Variants in TMEM79 observed in about 807,000 individuals in gnomAD.
TMEM79 encodes the protein transmembrane protein 79.
A neutral mutation model predicts 31.2 loss-of-function variants in TMEM79; 30 were observed. The ratio of observed to expected loss-of-function variants is 0.96; its 90% CI spans 0.72 to 1.30. TMEM79 has a LOEUF of 1.30. Among genes scored for constraint, TMEM79 ranks in the 50% most tolerant of loss-of-function variants. The probability of loss-of-function intolerance (pLI) is 0.00; values close to 1 mark genes in which losing one functional copy is unlikely to be tolerated. For missense variants in TMEM79, 509 were observed against 528.2 expected (o/e 0.96, Z 0.36); for synonymous variants, 213 against 229.5 (o/e 0.93, Z 0.65).
rs368779128 is a variant in TMEM79 at position 156,286,003 on chromosome 1, G to A, written c.757+20G>A. 8.9e-6 allele frequency: 14 copies of A among 1,581,620 alleles called. No homozygotes were observed. In the African/African-American group the frequency reaches 1.3e-4, roughly 15 times the overall value. On this transcript the variant is annotated intron_variant, in intron 2 of 3. Coordinates refer to ENST00000405535, the MANE Select transcript of TMEM79 (RefSeq NM_032323.3). ...TGCTGGGTGAGCCTGTGAGAAGAAA[G>A]GGGGCATCGGGAAGTGGACTTGAGG...
Position 156,285,989 on chromosome 1 carries a change from C to A in TMEM79, c.757+6C>A, listed in dbSNP as rs753468609. On this transcript the variant is annotated splice_donor_region_variant and intron_variant, in intron 2 of 3. Coordinates refer to ENST00000405535, the MANE Select transcript of TMEM79 (RefSeq NM_032323.3). ...CACCTTCCCCATTGTGCTGGGTGAGCCTGTGAGAAGAAAGGGGGCATCGGG... is the reference window on the plus strand; with the variant it reads ...CACCTTCCCCATTGTGCTGGGTGAGACTGTGAGAAGAAAGGGGGCATCGGG... 3.1e-6 allele frequency: 5 copies of A among 1,594,338 alleles called. No homozygotes were observed. The highest frequency in any genetic ancestry group is 3.4e-6 in the Non-Finnish European group (4 of 1,170,124).
chr1:156,287,737 C>G (rs1663209878), intron 3 of TMEM79, among the ~76,000 whole-genome samples: 1 of 151,664 alleles, frequency 6.6e-6, no homozygotes, highest in Non-Finnish European at 1.5e-5. Context: ...CTGCCTCAGC[C>G]TCCCGCGTAG....
rs1399818571 is a variant in TMEM79 at position 156,284,359 on chromosome 1, G to C, written c.-91G>C. On this transcript the variant is annotated 5_prime_UTR_variant, in exon 1 of 4. Coordinates refer to ENST00000405535, the MANE Select transcript of TMEM79 (RefSeq NM_032323.3). ...GCAGGTAGCTGGGCAGCTCCTTCCCGGACGGACGGATGGACAGACGCTGGG... is the reference window on the plus strand; with the variant it reads ...GCAGGTAGCTGGGCAGCTCCTTCCCCGACGGACGGATGGACAGACGCTGGG... 6.6e-6 allele frequency: 1 copy of C among 152,284 alleles called. No individual in the cohort carries two copies. The highest frequency in any genetic ancestry group is 2.4e-5 in the African/African-American group (1 of 41,426). The allele number at this position is 152,284 out of a possible 1,614,324, so 9.4% of individuals were successfully genotyped here. A position where few individuals can be genotyped will look rare whatever the true frequency, so the allele number is the denominator to read the frequency against.
At chr1:156,287,994 C>T (rs1238189263) in intron 3 of TMEM79, among the ~76,000 whole-genome samples, 1 of 151,836 alleles carries the variant, frequency 6.6e-6, no homozygotes, top group Non-Finnish European at 1.5e-5. Flanking sequence ...GCGGGCAGAT[C>T]ATGAGGTCAG....
In TMEM79 at chr1:156,286,292, T is replaced by C. The variant is rs1156855895; in HGVS notation, c.790T>C (p.Phe264Leu). ...GGTGTACGGGCTGAGCCTGTTATGCTTTTCTGCCCTTCGGCCCTTTGGGGA... is the reference window on the plus strand; with the variant it reads ...GGTGTACGGGCTGAGCCTGTTATGCCTTTCTGCCCTTCGGCCCTTTGGGGA... ...ILVYGLSLLC[F>L]SALRPFGEPR... Residue 264 changes from phenylalanine (F) to leucine (L), a missense_variant, in exon 3 of 4, where the codon TTT becomes CTT. Physicochemically the swap from Phe to Leu is conservative, Grantham distance 22 (BLOSUM62 0). Transcript: ENST00000405535. 6.2e-7 allele frequency: 1 copy of C among 1,614,238 alleles called. No homozygotes were observed. Among genetic ancestry groups the C allele is most frequent in the Non-Finnish European group, 8.5e-7 (1 of 1,180,040 alleles).
At chr1:156,291,149 A>C in intron 3 of TMEM79, 1 of 513,484 alleles carries the variant, frequency 1.9e-6, no homozygotes. Flanking sequence ...AAAAGAGGGA[A>C]AGGAATAACA....
intron 2 of TMEM79, 54 bp downstream of exon 2, chr1:156,286,037 G>A: frequency 1.3e-6 from 2 of 1,561,746 alleles, no homozygotes; most frequent in Admixed American, 1.8e-5. Flanking sequence ...GGAGGGCAGG[G>A]CCTGGCTGGT....
Position 156,291,603 on chromosome 1 carries a change from C to T in TMEM79, c.*5C>T. 6.2e-7 allele frequency: 1 copy of T among 1,611,696 alleles called. No individual in the cohort carries two copies. Among genetic ancestry groups the T allele is most frequent in the Non-Finnish European group, 8.5e-7 (1 of 1,179,574 alleles). On this transcript the variant is annotated 3_prime_UTR_variant, in exon 4 of 4. Transcript: ENST00000405535. ...AGGCCCCGCCCCTGGGGCTGAGCCTCTCCGCCCTCGCCCTCGGAGTAGGGG... is the reference window on the plus strand; with the variant it reads ...AGGCCCCGCCCCTGGGGCTGAGCCTTTCCGCCCTCGCCCTCGGAGTAGGGG...
Position 156,291,553 on chromosome 1 carries a change from C to G in TMEM79, c.1140C>G (p.Asp380Glu). ...TATESRLDYP[D>E]HARSASDYRP... Reference sequence around the variant, plus strand: ...CCGAGAGCCGCCTGGACTACCCGGACCACGCCCGCTCGGCCTCCGACTACA... The same window carrying G: ...CCGAGAGCCGCCTGGACTACCCGGAGCACGCCCGCTCGGCCTCCGACTACA... The change falls in exon 4 of 4, where the codon GAC becomes GAG. Residue 380 changes from aspartate to glutamate, a missense_variant. By Grantham distance (45) the Asp-to-Glu change is conservative. Coordinates refer to ENST00000405535, the MANE Select transcript of TMEM79 (RefSeq NM_032323.3). 6.2e-7 allele frequency: 1 copy of G among 1,610,704 alleles called. No homozygotes were observed. Among genetic ancestry groups the G allele is most frequent in the Non-Finnish European group, 8.5e-7 (1 of 1,180,010 alleles).
intron 3 of TMEM79, 110 bp downstream of exon 3, chr1:156,286,583 C>A: frequency 9.1e-7 from 1 of 1,093,094 alleles, no homozygotes; most frequent in Non-Finnish European, 1.3e-6. Context: ...CTACACTGGC[C>A]CAAATGTGTG....
intron 3 of TMEM79, 164 bp from the exon 4 acceptor site, chr1:156,291,221 C>T: frequency 1.6e-6 from 1 of 615,612 alleles, no homozygotes; most frequent in South Asian, 1.9e-5. Flanking sequence ...TAGCGCTGTG[C>T]CTAATACATG....
At chr1:156,289,342 T>C (rs1663250622) in intron 3 of TMEM79, among the ~76,000 whole-genome samples, 1 of 150,234 alleles carries the variant, frequency 6.7e-6, no homozygotes, top group African/African-American at 2.5e-5. Flanking sequence ...GGTGTGGTGA[T>C]GGGCGCCTGT....
In TMEM79 at chr1:156,291,997, G is replaced by A. The variant is rs551401749; in HGVS notation, c.*399G>A. 2 of 446,448 alleles carry A rather than the reference G, an allele frequency of 4.5e-6. No homozygotes were observed. Among genetic ancestry groups the A allele is most frequent in the South Asian group, 7.3e-5 (2 of 27,218 alleles). The allele number at this position is 446,448 out of a possible 1,614,324, so 27.7% of individuals were successfully genotyped here. A position where few individuals can be genotyped will look rare whatever the true frequency, so the allele number is the denominator to read the frequency against. ...CCGTGAGGCAGGAGGCAGAGCCACA[G>A]CCAAGGCCCTGACCACTTCTGTGCC... On this transcript the variant is annotated 3_prime_UTR_variant, in exon 4 of 4. Transcript: ENST00000405535.
chr1:156,283,100 C>G (rs992949420), upstream of TMEM79: 8 of 362,546 alleles, frequency 2.2e-5, no homozygotes, highest in Non-Finnish European at 3.9e-5. Flanking sequence ...CTGCTTTGTC[C>G]TACAATGGTC....
Position 156,286,245 on chromosome 1 carries a change from C to T in TMEM79, c.758-15C>T, listed in dbSNP as rs1663157152. ...TGCCTTTTCTGACCCTACCCTGTTTCCCAACTCCACCCAGGGATCCTGGTG... is the reference window on the plus strand; with the variant it reads ...TGCCTTTTCTGACCCTACCCTGTTTTCCAACTCCACCCAGGGATCCTGGTG... On this transcript the variant is annotated splice_polypyrimidine_tract_variant and intron_variant, in intron 2 of 3. Coordinates refer to ENST00000405535, the MANE Select transcript of TMEM79 (RefSeq NM_032323.3). 1 of 1,613,208 alleles carries T rather than the reference C, an allele frequency of 6.2e-7. No individual in the cohort carries two copies. Among genetic ancestry groups the T allele is most frequent in the African/African-American group, 1.3e-5 (1 of 74,936 alleles).
chr1:156,291,248 T>C, intron 3 of TMEM79, 137 bp from the exon 4 acceptor site: 2 of 683,990 alleles, frequency 2.9e-6, no homozygotes, highest in Non-Finnish European at 5.1e-6. Flanking sequence ...GCATAAACTT[T>C]GGCTGTATTT....
At chr1:156,286,139 C>A in intron 2 of TMEM79, 121 bp from the exon 3 acceptor site, 4 of 1,358,892 alleles carry the variant, frequency 2.9e-6, no homozygotes, top group South Asian at 1.3e-5. Flanking sequence ...CTCCCAGGAC[C>A]ACCTCCACCC....
chr1:156,283,070 G>C, upstream of TMEM79: 1 of 409,548 alleles, frequency 2.4e-6, no homozygotes, highest in Non-Finnish European at 4.3e-6. Flanking sequence ...GGGCAGGTGA[G>C]CTTACAGCTA....
At chr1:156,287,796 T>A (rs1384233842) in intron 3 of TMEM79, among the ~76,000 whole-genome samples, 5 of 151,840 alleles carry the variant, frequency 3.3e-5, no homozygotes, top group Non-Finnish European at 7.4e-5. Flanking sequence ...TTTTGTATTT[T>A]TAGTAGAGAT....
Sources: allele counts gnomAD v4.1 joint callset (sites outside exome capture counted in the v4.1 genomes callset), GRCh38; gene constraint gnomAD v4.1.1; transcripts MANE v1.5; gene names NCBI Gene and HGNC (gene_info 2026-07-23, HGNC 2026-07-21).